KRAS: variants seen among roughly 807,000 people sequenced by gnomAD.
The protein encoded by KRAS is GTPase KRas.
Under a neutral mutation model 21.0 loss-of-function variants are expected in KRAS, and 1 was observed. That is an observed-to-expected ratio of 0.05 (90% CI 0.02 to 0.23). The LOEUF (loss-of-function observed/expected upper bound fraction) is 0.23. Ranked by LOEUF, KRAS falls within the 10% of genes least tolerant of loss-of-function variation. The pLI is 1.00. For missense variants in KRAS, 107 were observed against 221.8 expected, an observed-to-expected ratio of 0.48 and a Z score of 3.29; for synonymous variants, 67 against 72.5, an observed-to-expected ratio of 0.92 and a Z score of 0.39.
chr12:25,240,087 A>G (rs187161141), intron 2 of KRAS, among the ~76,000 whole-genome samples: 1 of 152,136 alleles, frequency 6.6e-6, no homozygotes, highest in Admixed American at 6.5e-5. Flanking sequence ...AAGTAGTAAA[A>G]AATAGTACAG....
rs1368249152 is a variant in KRAS, at chr12:25,205,280, TAGG to T, written c.*4512_*4514del. ...ACTATTTTTATTACATTACAATAAT[TAGG>T]AGTAGTACAGTTCATGACAAAAATA... On this transcript the variant is annotated 3_prime_UTR_variant, in exon 5 of 5. Transcript: ENST00000311936. The T allele has an allele frequency of 4.7e-6, 1 of 214,670 alleles. No individual in the cohort carries two copies. Among genetic ancestry groups the T allele is most frequent in the Non-Finnish European group, 9.4e-6 (1 of 106,248 alleles). 13.3% of individuals were successfully genotyped at this position (214,670 alleles called of 1,614,324 possible).
chr12:25,224,405 A>C (rs956685772), intron 4 of KRAS, among the ~76,000 whole-genome samples: 1 of 152,052 alleles, frequency 6.6e-6, no homozygotes, highest in Non-Finnish European at 1.5e-5. Flanking sequence ...TGCATGTCTT[A>C]GTTTTTAACA....
Position 25,209,640 on chromosome 12 carries a change from G to A in KRAS, c.*155C>T, listed in dbSNP as rs978598706. On this transcript the variant is annotated 3_prime_UTR_variant, in exon 5 of 5. Coordinates refer to ENST00000311936, the MANE Select transcript of KRAS (RefSeq NM_004985.5). The stretch of plus-strand genomic sequence containing the variant: ...CTTAGAGGAAAAAAAAACTTCCACT[G>A]TCATTTTAAAATAAGCATTTAAGGT... 5 of 1,363,378 alleles carry A rather than the reference G, an allele frequency of 3.7e-6. No individual in the cohort carries two copies. The highest frequency in any genetic ancestry group is 4.7e-6 in the Non-Finnish European group (5 of 1,057,488). 84.5% of individuals were successfully genotyped at this position (1,363,378 alleles called of 1,614,324 possible).
intron 3 of KRAS, 55 bp downstream of exon 3, chr12:25,227,179 A>C (rs61762366): frequency 7.2e-7 from 1 of 1,385,514 alleles, no homozygotes; most frequent in African/African-American, 1.4e-5. Context: ...GACTCAAAAA[A>C]TAAAAACTAT....
At chr12:25,248,699 T>G (rs1429263349) in intron 1 of KRAS, among the ~76,000 whole-genome samples, 1 of 151,782 alleles carries the variant, frequency 6.6e-6, no homozygotes, top group Non-Finnish European at 1.5e-5. Flanking sequence ...TCTTACCAAA[T>G]GAAGATCATG....
intron 2 of KRAS, chr12:25,233,751 C>T (rs966126254): frequency 1.9e-5 from 4 of 210,874 alleles, no homozygotes; most frequent in Non-Finnish European, 3.8e-5. Context: ...CCACTACACA[C>T]CCTCTACCTA....
At chr12:25,250,415 G>A (rs1006375089) in intron 1 of KRAS, among the ~76,000 whole-genome samples, 2 of 152,104 alleles carry the variant, frequency 1.3e-5, no homozygotes, top group African/African-American at 2.4e-5. Context: ...GGGGCAGCCG[G>A]CCCGGCCCGA....
intron 1 of KRAS, among the ~76,000 whole-genome samples, chr12:25,250,186 TCA>T (rs1951746205): frequency 6.6e-6 from 1 of 152,080 alleles, no homozygotes; most frequent in African/African-American, 2.4e-5. Flanking sequence ...CCCCTCTTAC[TCA>T]CACATCCCCT....
chr12:25,244,261 C>CT (rs1951648507), intron 2 of KRAS, among the ~76,000 whole-genome samples: 3 of 152,074 alleles, frequency 2.0e-5, no homozygotes, highest in Non-Finnish European at 4.4e-5. Context: ...TAAATTAGTA[C>CT]ACTAGATGTA....
chr12:25,227,906 G>A (rs61762365), intron 2 of KRAS, among the ~76,000 whole-genome samples: 3,959 of 152,180 alleles, frequency 0.026, 63 homozygotes, highest in Middle Eastern at 0.041. Flanking sequence ...ACCAATGTTC[G>A]CAGCAGCACT....
At chr12:25,233,072 C>T (rs1443503238) in intron 2 of KRAS, among the ~76,000 whole-genome samples, 3 of 152,122 alleles carry the variant, frequency 2.0e-5, no homozygotes, top group Admixed American at 6.6e-5. Flanking sequence ...CATAATCTTG[C>T]ACCATTTACC....
chr12:25,212,790 G>A (rs570150707), intron 4 of KRAS, among the ~76,000 whole-genome samples: 3 of 151,966 alleles, frequency 2.0e-5, no homozygotes, highest in Non-Finnish European at 4.4e-5. Flanking sequence ...GTCTCATTAC[G>A]TTGCCCAGTC....
At position 25,209,410 on chromosome 12, in the gene KRAS, C is replaced by A; in HGVS notation, c.*385G>T. ...GTCTCAACTGAAATTAGTAATTAAT[C>A]CATTTATGTGACTAGATAAAACACA... On this transcript the variant is annotated 3_prime_UTR_variant, in exon 5 of 5. Transcript: ENST00000311936. 1 of 865,036 alleles carries A rather than the reference C, an allele frequency of 1.2e-6. No homozygotes were observed. The allele number at this position is 865,036 out of a possible 1,614,324, so 53.6% of individuals were successfully genotyped here.
At chr12:25,235,465 T>C (rs140414082) in intron 2 of KRAS, among the ~76,000 whole-genome samples, 11 of 152,320 alleles carry the variant, frequency 7.2e-5, no homozygotes, top group East Asian at 5.8e-4. Context: ...CCTTGTATCA[T>C]AGAAACACTT....
At chr12:25,250,648 T>A (rs1437697191) in intron 1 of KRAS, 103 bp downstream of exon 1, 10 of 115,254 alleles carry the variant, frequency 8.7e-5, no homozygotes, top group East Asian at 2.9e-4. Context: ...CACCCGCCCC[T>A]CCGGGGACCC....
intron 3 of KRAS, 104 bp from the exon 4 acceptor site, chr12:25,225,877 T>TTTCACTACACC: frequency 9.4e-7 from 1 of 1,066,500 alleles, no homozygotes; most frequent in African/African-American, 1.6e-5. Flanking sequence ...GAAAACAATG[T>TTTCACTACACC]AATTCCTAGT....
chr12:25,215,141 C>T (rs963724471), intron 4 of KRAS: 5 of 427,456 alleles, frequency 1.2e-5, no homozygotes, highest in African/African-American at 8.7e-5. Flanking sequence ...AAAACTTTTC[C>T]CTTAAAAATA....
chr12:25,237,709 G>A (rs1194097063), intron 2 of KRAS, among the ~76,000 whole-genome samples: 1 of 152,136 alleles, frequency 6.6e-6, no homozygotes, highest in Non-Finnish European at 1.5e-5. Context: ...AGGTAAAACT[G>A]CATACAGGAC....
intron 2 of KRAS, among the ~76,000 whole-genome samples, chr12:25,233,261 G>A (rs1463381593): frequency 6.6e-6 from 1 of 152,044 alleles, no homozygotes; most frequent in South Asian, 2.1e-4. Flanking sequence ...TATAAATGTA[G>A]GTTAGGGCTA....
Sources: allele counts gnomAD v4.1 joint callset (sites outside exome capture counted in the v4.1 genomes callset), GRCh38; gene constraint gnomAD v4.1.1; transcripts MANE v1.5; gene names NCBI Gene and HGNC (gene_info 2026-07-23, HGNC 2026-07-21).